RNF115: variants seen among roughly 807,000 people sequenced by gnomAD.
The protein encoded by RNF115 is E3 ubiquitin-protein ligase RNF115.
RNF115 carries 31 observed loss-of-function variants against 39.2 expected under a neutral mutation model. That is an observed-to-expected ratio of 0.79 (90% CI 0.59 to 1.07). The LOEUF (loss-of-function observed/expected upper bound fraction) is 1.07, where lower values mean the gene tolerates loss of function less well. Among genes scored for constraint, RNF115 ranks in the 50% least tolerant of loss-of-function variants. The pLI is 0.00. For missense variants in RNF115, 384 were observed against 381.7 expected (o/e 1.01, Z -0.05); for synonymous variants, 124 against 131.0 (o/e 0.95, Z 0.37).
chr1:145,814,620 C>T (rs1232749321), intron 1 of RNF115, among the ~76,000 whole-genome samples: 2 of 151,086 alleles, frequency 1.3e-5, no homozygotes, highest in Non-Finnish European at 2.9e-5. Flanking sequence ...TAAAGAAATA[C>T]AAAGTGTTAG....
At chr1:145,756,984 G>A (rs1407379473) in intron 4 of RNF115, among the ~76,000 whole-genome samples, 1 of 151,464 alleles carries the variant, frequency 6.6e-6, no homozygotes, top group Non-Finnish European at 1.5e-5. Context: ...TACAGGCATG[G>A]GCCACCACGC....
chr1:145,795,717 A>G (rs1648947399), intron 1 of RNF115, among the ~76,000 whole-genome samples: 1 of 152,182 alleles, frequency 6.6e-6, no homozygotes, highest in South Asian at 2.1e-4. Flanking sequence ...GAAGTGCTCT[A>G]TGGTTCTTCC....
intron 3 of RNF115, among the ~76,000 whole-genome samples, chr1:145,777,183 T>C (rs1246269186): frequency 6.6e-6 from 1 of 152,158 alleles, no homozygotes; most frequent in African/African-American, 2.4e-5. Context: ...CAACATTTGC[T>C]CACAGAAGAC....
At chr1:145,787,992 G>A (rs1648472541) in intron 2 of RNF115, among the ~76,000 whole-genome samples, 1 of 152,122 alleles carries the variant, frequency 6.6e-6, no homozygotes, top group Admixed American at 6.6e-5. Context: ...TTTATCAGCT[G>A]TATACCTTTA....
At chr1:145,759,876 G>A (rs1658436408) in intron 4 of RNF115, among the ~76,000 whole-genome samples, 1 of 151,952 alleles carries the variant, frequency 6.6e-6, no homozygotes, top group South Asian at 2.1e-4. Flanking sequence ...ACACTTCCTT[G>A]GTGTCTATTC....
In RNF115 at chr1:145,804,971, C is replaced by G. The variant is rs75246752; in HGVS notation, c.103-16005G>C. On this transcript the variant is annotated intron_variant, in intron 1 of 8. Transcript: ENST00000582693. ...TTCCATACTTTTGGTTCCCATAAAG[C>G]AGTTCAATTTTCAAATTAAAAAATT... Among the ~76,000 whole-genome samples the G allele has an allele frequency of 8.0e-3, 1,219 of 152,104 alleles. 8 individuals carry two copies. The highest frequency in any genetic ancestry group is 0.013 in the Admixed American group (193 of 15,278).
At chr1:145,792,199 T>A (rs964078458) in intron 1 of RNF115, among the ~76,000 whole-genome samples, 7 of 152,078 alleles carry the variant, frequency 4.6e-5, no homozygotes, top group Non-Finnish European at 1.0e-4. Flanking sequence ...ATTACAGGCA[T>A]GAAACACTGT....
chr1:145,738,897 T>C lies in RNF115; in HGVS notation c.*7969A>G, dbSNP rs192111828. The C allele has an allele frequency of 1.3e-5, 2 of 155,488 alleles. No individual in the cohort carries two copies. The highest frequency in any genetic ancestry group is 3.7e-4 in the East Asian group (2 of 5,442). The allele number at this position is 155,488 out of a possible 1,614,324, so 9.6% of individuals were successfully genotyped here. On this transcript the variant is annotated 3_prime_UTR_variant, in exon 9 of 9. Transcript: ENST00000582693. ...GGGGGAATAAATTTTTATTTAACACTGCAAAGGAAAGAGAGAGAAAACAAG... is the reference window on the plus strand; with the variant it reads ...GGGGGAATAAATTTTTATTTAACACCGCAAAGGAAAGAGAGAGAAAACAAG...
chr1:145,793,590 TTACTCTTA>T (rs1347736898), intron 1 of RNF115, among the ~76,000 whole-genome samples: 1 of 150,938 alleles, frequency 6.6e-6, no homozygotes, highest in African/African-American at 2.4e-5. Flanking sequence ...CCAGACTCAA[TTACTCTTA>T]TATGTATGCT....
At position 145,741,711 on chromosome 1, in the gene RNF115, A is replaced by G; in HGVS notation, c.*5155T>C. 1 of 152,440 alleles carries G rather than the reference A, an allele frequency of 6.6e-6. No homozygotes were observed. The highest frequency in any genetic ancestry group is 2.1e-4 in the South Asian group (1 of 4,826). The allele number at this position is 152,440 out of a possible 1,614,324, so 9.4% of individuals were successfully genotyped here. On this transcript the variant is annotated 3_prime_UTR_variant, in exon 9 of 9. Coordinates refer to ENST00000582693, the MANE Select transcript of RNF115 (RefSeq NM_014455.4). ...CAGATCTCCAATGGATTATTCTTGT[A>G]AACAGCACTTTTACCTTCCGATCGC...
chr1:145,765,864 T>C (rs919833865), intron 4 of RNF115, among the ~76,000 whole-genome samples: 1 of 152,228 alleles, frequency 6.6e-6, no homozygotes, highest in Non-Finnish European at 1.5e-5. Flanking sequence ...GTTTTACTCA[T>C]GCCAATGAAA....
chr1:145,760,622 A>G (rs1658462736), intron 4 of RNF115, among the ~76,000 whole-genome samples: 1 of 152,138 alleles, frequency 6.6e-6, no homozygotes, highest in South Asian at 2.1e-4. Flanking sequence ...TTCACCTCCC[A>G]CCATGATTAA....
At chr1:145,795,558 AATGCTTT>A (rs1250626230) in intron 1 of RNF115, among the ~76,000 whole-genome samples, 5 of 152,084 alleles carry the variant, frequency 3.3e-5, no homozygotes, top group Admixed American at 3.3e-4. Context: ...GCGCATTTAC[AATGCTTT>A]AGCTAGACAC....
chr1:145,811,260 G>A (rs1476522757), intron 1 of RNF115, among the ~76,000 whole-genome samples: 6 of 147,654 alleles, frequency 4.1e-5, no homozygotes, highest in Admixed American at 2.1e-4. Context: ...AGTGGCTCAC[G>A]TTTGTAATCT....
At chr1:145,784,418 C>G (rs587654667) in intron 3 of RNF115, 121 bp downstream of exon 3, 1 of 895,440 alleles carries the variant, frequency 1.1e-6, no homozygotes, top group Non-Finnish European at 1.8e-6. Context: ...CTACGGCCCA[C>G]ATTTTTTCTT....
At chr1:145,780,161 G>A (rs587625053) in intron 3 of RNF115, among the ~76,000 whole-genome samples, 1 of 152,210 alleles carries the variant, frequency 6.6e-6, no homozygotes, top group East Asian at 2.0e-4. Context: ...CCAGGAGGCA[G>A]AGGTTGCAGT....
At chr1:145,799,551 C>T (rs987187667) in intron 1 of RNF115, among the ~76,000 whole-genome samples, 5 of 120,636 alleles carry the variant, frequency 4.1e-5, no homozygotes, top group African/African-American at 1.3e-4. Context: ...AGGGGGAAAG[C>T]TTTCGGTCTT....
intron 1 of RNF115, among the ~76,000 whole-genome samples, chr1:145,793,658 A>G (rs919931616): frequency 4.1e-4 from 62 of 151,974 alleles, no homozygotes; most frequent in Admixed American, 4.0e-3. Context: ...GAGAGGTGGC[A>G]TATCAGTTTG....
At chr1:145,813,701 C>A (rs587663653) in intron 1 of RNF115, among the ~76,000 whole-genome samples, 1 of 151,882 alleles carries the variant, frequency 6.6e-6, no homozygotes, top group Non-Finnish European at 1.5e-5. Flanking sequence ...TAAAATTATA[C>A]GGTCTCAATT....
Sources: gnomAD v4.1 joint callset for allele counts (sites outside exome capture counted in the v4.1 genomes callset) on GRCh38, gnomAD v4.1.1 for gene constraint, MANE v1.5 for transcripts, NCBI Gene and HGNC (gene_info 2026-07-23, HGNC 2026-07-21) for gene names.